Variants in SCAF4 observed in about 807,000 individuals in gnomAD.
The protein encoded by SCAF4 is SR-related CTD associated factor 4.
Under a neutral mutation model 129.8 loss-of-function variants are expected in SCAF4, and 25 were observed. The ratio of observed to expected loss-of-function variants is 0.19; its 90% confidence interval spans 0.14 to 0.27. The LOEUF is 0.27. Among genes scored for constraint, SCAF4 ranks in the 10% least tolerant of loss-of-function variants. The probability of loss-of-function intolerance (pLI) is 1.00; values close to 1 mark genes in which losing one functional copy is unlikely to be tolerated. For missense variants in SCAF4, 1,246 were observed against 1,457.1 expected (o/e 0.86, Z 2.36); for synonymous variants, 551 against 497.7 (o/e 1.11, Z -1.43).
chr21:31,699,694 A>T lies in SCAF4; in HGVS notation c.777+1301T>A, dbSNP rs75458371. Reference sequence around the variant, plus strand: ...TAGTTAGGATGTTGGAAAGAATCAGATATTTTAAAGATGATGAAACCAAAG... The same window carrying T: ...TAGTTAGGATGTTGGAAAGAATCAGTTATTTTAAAGATGATGAAACCAAAG... On this transcript the variant is annotated intron_variant, in intron 7 of 19. Coordinates refer to ENST00000286835, the MANE Select transcript of SCAF4 (RefSeq NM_020706.2). Among the ~76,000 whole-genome samples, 208 of 152,332 alleles carry T rather than the reference A, an allele frequency of 1.4e-3. 1 individual carries two copies. The highest frequency in any genetic ancestry group is 4.7e-3 in the African/African-American group (195 of 41,580).
intron 12 of SCAF4, among the ~76,000 whole-genome samples, chr21:31,692,709 T>C (rs1037777052): frequency 1.3e-5 from 2 of 152,222 alleles, no homozygotes; most frequent in African/African-American, 2.4e-5. Flanking sequence ...ATTACATCTA[T>C]AAAAACTGAA....
chr21:31,701,944 C>A, intron 5 of SCAF4, 26 bp from the exon 6 acceptor site: 1 of 1,599,656 alleles, frequency 6.3e-7, no homozygotes, highest in Non-Finnish European at 8.5e-7. Context: ...GCATTAAGGC[C>A]TAAAAAAAAA....
chr21:31,728,917 C>T (rs1355870759), intron 1 of SCAF4, among the ~76,000 whole-genome samples: 1 of 152,170 alleles, frequency 6.6e-6, no homozygotes, highest in African/African-American at 2.4e-5. Flanking sequence ...TCACCACTCT[C>T]TCAGCCCTTA....
At chr21:31,709,361 A>AAAAGAAAG (rs1555851528) in intron 1 of SCAF4, among the ~76,000 whole-genome samples, 1 of 151,324 alleles carries the variant, frequency 6.6e-6, no homozygotes, top group South Asian at 2.1e-4. Flanking sequence ...AAAAAAAAAA[A>AAAAGAAAG]AAAGAAAGAA....
chr21:31,702,491 T>C, intron 4 of SCAF4, 112 bp from the exon 5 acceptor site: 1 of 949,904 alleles, frequency 1.1e-6, no homozygotes, highest in South Asian at 1.7e-5. Context: ...CCATACTATG[T>C]GTGTTTCATA....
At chr21:31,721,562 A>C (rs2051067080) in intron 1 of SCAF4, among the ~76,000 whole-genome samples, 1 of 152,144 alleles carries the variant, frequency 6.6e-6, no homozygotes, top group South Asian at 2.1e-4. Context: ...TTTACAGACT[A>C]GTGGATTGGT....
At chr21:31,676,040 T>A (rs1219846775) in intron 19 of SCAF4, among the ~76,000 whole-genome samples, 1 of 152,176 alleles carries the variant, frequency 6.6e-6, no homozygotes, top group Non-Finnish European at 1.5e-5. Context: ...GGGAGACAGA[T>A]ATAAAACATA....
intron 7 of SCAF4, among the ~76,000 whole-genome samples, chr21:31,698,771 C>T (rs1017156162): frequency 1.3e-5 from 2 of 152,194 alleles, no homozygotes; most frequent in African/African-American, 4.8e-5. Context: ...AGTTTTTAGT[C>T]TGCTATCCTG....
chr21:31,671,176 TAA>T lies in SCAF4; in HGVS notation c.*221_*222del. On this transcript the variant is annotated 3_prime_UTR_variant, in exon 20 of 20. Transcript: ENST00000286835. ...GTAAACTTTTTAAAGTCAAAACTTT[TAA>T]AAAGTTACAGCAAAAAGGGTAATAT... 2 of 420,812 alleles carry T rather than the reference TAA, an allele frequency of 4.8e-6. No homozygotes were observed. The highest frequency in any genetic ancestry group is 4.0e-5 in the Admixed American group (1 of 25,216). The allele number at this position is 420,812 out of a possible 1,614,324, so 26.1% of individuals were successfully genotyped here. A position where few individuals can be genotyped will look rare whatever the true frequency, so the allele number is the denominator to read the frequency against.
Position 31,693,446 on chromosome 21 carries a change from G to A in SCAF4, c.1361C>T (p.Ser454Phe). ...AGAACGTCGATGCCGAGACCTTCGA[G>A]ATCTAGAACCAGATCTAGATCGCCT... ...KRRRSRSGSR[S>F]RRSRHRRSRS... The change falls in exon 12 of 20, where the codon TCT becomes TTT. Residue 454 changes from serine (S) to phenylalanine (F), a missense_variant. By Grantham distance (155) the Ser-to-Phe change is radical. Coordinates refer to ENST00000286835, the MANE Select transcript of SCAF4 (RefSeq NM_020706.2). The A allele has an allele frequency of 6.5e-7, 1 of 1,546,564 alleles. No homozygotes were observed.
Position 31,688,365 on chromosome 21 carries a change from A to C in SCAF4, c.1985T>G (p.Leu662Ter). Residue 662 changes from leucine (L) to a stop codon, truncating the protein, a stop_gained, in exon 16 of 20, where the codon TTA (leucine) becomes TGA (stop). Coordinates refer to ENST00000286835, the MANE Select transcript of SCAF4 (RefSeq NM_020706.2). LOFTEE classifies it high-confidence loss of function. ...AGGAATAGGAGGGACAGGCACAGGT[A>C]ATGGTTTAGGTATGGGTGATACTGG... ...TEPVSPIPKP[L>*]PVPVPPIPVP... is the part of the protein sequence containing the mutation. 6.2e-7 allele frequency: 1 copy of C among 1,613,464 alleles called. No individual in the cohort carries two copies.
rs1253235575 is a variant in SCAF4, at chr21:31,696,130, C to G, written c.1051G>C (p.Asp351His). ...FQPRMMGIQQDPMHHQVPLPP... is the reference protein window; with the variant it reads ...FQPRMMGIQQHPMHHQVPLPP... ...GCTTGTACCTGATGGTGCATTGGAT[C>G]CTGTTGTATTCCCATCATTCGTGGC... Residue 351 changes from aspartate to histidine, a missense_variant, in exon 9 of 20, where the codon GAT becomes CAT. Asp to His is a moderately conservative substitution (Grantham distance 81). Around this residue, in one of 6 missense-constraint regions of SCAF4, gnomAD observed 236 missense variants for 210.0 expected, o/e 1.12. Transcript: ENST00000286835. 1 of 1,611,962 alleles carries G rather than the reference C, an allele frequency of 6.2e-7. No individual in the cohort carries two copies. Among genetic ancestry groups the G allele is most frequent in the South Asian group, 1.1e-5 (1 of 91,012 alleles).
intron 19 of SCAF4, among the ~76,000 whole-genome samples, chr21:31,674,837 T>G (rs2049810566): frequency 6.6e-6 from 1 of 152,214 alleles, no homozygotes; most frequent in East Asian, 1.9e-4. Flanking sequence ...ATATCTGAAT[T>G]TTCTATTAAC....
intron 19 of SCAF4, among the ~76,000 whole-genome samples, chr21:31,676,956 G>T (rs1398938561): frequency 6.6e-6 from 1 of 151,854 alleles, no homozygotes; most frequent in East Asian, 1.9e-4. Context: ...TAAAATATGT[G>T]GTCCTGTGTG....
chr21:31,679,181 G>T, intron 19 of SCAF4, among the ~76,000 whole-genome samples: 1 of 152,126 alleles, frequency 6.6e-6, no homozygotes, highest in East Asian at 1.9e-4. Flanking sequence ...TCTGTTCTTT[G>T]TTGCAGTTCC....
chr21:31,683,209 C>T (rs1323161365), intron 19 of SCAF4, among the ~76,000 whole-genome samples: 2 of 152,158 alleles, frequency 1.3e-5, no homozygotes, highest in Admixed American at 1.3e-4. Context: ...GTTCCCCTCT[C>T]ATGGGTCCAT....
At chr21:31,692,787 G>A (rs147131858) in intron 12 of SCAF4, among the ~76,000 whole-genome samples, 5 of 152,294 alleles carry the variant, frequency 3.3e-5, no homozygotes, top group African/African-American at 9.6e-5. Context: ...TGGAGCTCAA[G>A]TCTCTTGATT....
rs575458827 is a variant in SCAF4, at chr21:31,718,623, G to A, written c.31-12266C>T. Among the ~76,000 whole-genome samples, 6 of 152,284 alleles carry A rather than the reference G, an allele frequency of 3.9e-5. No individual in the cohort carries two copies. The East Asian group carries it at 1.2e-3, about 29-fold the overall frequency. ...GAAAAGCTTTTTAAAACAAATAGGG[G>A]AAAGATGCTCTACCATTTTCCTGCT... On this transcript the variant is annotated intron_variant, in intron 1 of 19. Transcript: ENST00000286835.
chr21:31,707,136 G>T (rs1049577858), intron 1 of SCAF4, among the ~76,000 whole-genome samples: 1 of 152,076 alleles, frequency 6.6e-6, no homozygotes, highest in African/African-American at 2.4e-5. Context: ...TTGGGTGTCA[G>T]CTTAACATTC....
Sources: gnomAD v4.1 joint callset for allele counts (sites outside exome capture counted in the v4.1 genomes callset) on GRCh38, gnomAD v4.1.1 for gene constraint, gnomAD v4.1.1 regional missense constraint, MANE v1.5 for transcripts, NCBI Gene and HGNC (gene_info 2026-07-23, HGNC 2026-07-21) for gene names.